MACF1: variants seen among roughly 807,000 people sequenced by gnomAD.
The protein encoded by MACF1 is microtubule-actin cross-linking factor 1.
A neutral mutation model predicts 854.8 loss-of-function variants in MACF1; 193 were observed. The ratio of observed to expected loss-of-function variants is 0.23; its 90% CI spans 0.20 to 0.25. The LOEUF (loss-of-function observed/expected upper bound fraction) is 0.25, where lower values mean the gene tolerates loss of function less well. MACF1 is among the 10% of genes least tolerant of loss of function. The probability of loss-of-function intolerance (pLI) is 1.00; values close to 1 mark genes in which losing one functional copy is unlikely to be tolerated. For synonymous variants in MACF1, 3,185 were observed against 3,226.7 expected, an observed-to-expected ratio of 0.99 and a Z score of 0.44; for missense variants, 7,722 against 8,929.1, an observed-to-expected ratio of 0.86 and a Z score of 5.45.
At position 39,138,978 on chromosome 1, in the gene MACF1, T is replaced by G. The variant is rs76071444; in HGVS notation, c.220+54540T>G. Among the ~76,000 whole-genome samples the G allele has an allele frequency of 4.6e-4, 70 of 152,288 alleles. 2 individuals are homozygous for G. In the East Asian group the frequency reaches 0.013, roughly 28 times the overall value. ...CCGCGCCTGGCCTAGGCCAAATAAT[T>G]TTTATGAACTGTCTGGAGAAGCTTT... On this transcript the variant is annotated intron_variant, in intron 2 of 93. Coordinates refer to the MACF1 transcript ENST00000361689.
At chr1:39,446,786 C>G (rs1389972824) in intron 80 of MACF1, among the ~76,000 whole-genome samples, 1 of 152,076 alleles carries the variant, frequency 6.6e-6, no homozygotes, top group Non-Finnish European at 1.5e-5. Context: ...GAGGAGTAGC[C>G]TTTTCCCTGA....
rs1350195718 is a variant in MACF1, at chr1:39,331,250, A to G, written c.4662A>G (p.Ile1554Met). 2 of 1,584,348 alleles carry G rather than the reference A, an allele frequency of 1.3e-6. No homozygotes were observed. The highest frequency in any genetic ancestry group is 3.6e-5 in the Admixed American group (2 of 55,944). The change falls in exon 37 of 101, where the codon ATA becomes ATG. Residue 1554 changes from isoleucine (I) to methionine (M), a missense_variant. By Grantham distance (10) the Ile-to-Met change is conservative (BLOSUM62 1). Around this residue, in one of 15 missense-constraint regions of MACF1, gnomAD observed 1,531 missense variants for 1,601.6 expected, o/e 0.96. Coordinates refer to ENST00000564288, the MANE Select transcript of MACF1 (RefSeq NM_001394062.1). ...TGATTGACCTAGGCACAGTGGAGAT[A>G]TTTCCCATCTTCAAAGCCATGCAAA... The part of the protein sequence containing the change: ...AGVIDLGTVE[I>M]FPIFKAMQKG...
chr1:39,223,297 TAAA>T (rs1026902632), intron 1 of MACF1, among the ~76,000 whole-genome samples: 1 of 152,202 alleles, frequency 6.6e-6, no homozygotes, highest in Non-Finnish European at 1.5e-5. Flanking sequence ...GCTCCCAAGC[TAAA>T]AAGTTTGACT....
chr1:39,240,129 A>C (rs756936966), intron 2 of MACF1, among the ~76,000 whole-genome samples: 3 of 152,186 alleles, frequency 2.0e-5, no homozygotes, highest in Non-Finnish European at 4.4e-5. Context: ...ATTCTGTCCT[A>C]TACAGCCTCT....
At chr1:39,329,859 C>T (rs967856220) in intron 36 of MACF1, among the ~76,000 whole-genome samples, 11 of 152,164 alleles carry the variant, frequency 7.2e-5, no homozygotes, top group Non-Finnish European at 1.3e-4. Flanking sequence ...CACTGACCTT[C>T]GGACCTAACT....
Position 39,332,304 on chromosome 1 carries a change from A to T in MACF1, c.5716A>T (p.Ser1906Cys), listed in dbSNP as rs769498366. 3.1e-6 allele frequency: 5 copies of T among 1,613,958 alleles called. No individual in the cohort carries two copies. The Admixed American group carries it at 8.3e-5, about 27-fold the overall frequency. ...TTTGTCCTGGAAGAAAGCAATAGAAAGTGGTATCCTGGATAGAGATCTTGC... is the reference window on the plus strand; with the variant it reads ...TTTGTCCTGGAAGAAAGCAATAGAATGTGGTATCCTGGATAGAGATCTTGC... ...EILSWKKAIE[S>C]GILDRDLANN... Residue 1906 changes from serine to cysteine, a missense_variant, in exon 37 of 101, where the codon AGT (serine) becomes TGT (cysteine). Transcript: ENST00000564288.
intron 2 of MACF1, among the ~76,000 whole-genome samples, chr1:39,085,733 G>GC (rs1461992409): frequency 6.6e-6 from 1 of 151,824 alleles, no homozygotes; most frequent in African/African-American, 2.4e-5. Flanking sequence ...ACCACCTTTG[G>GC]CCCCTCATTG....
At chr1:39,299,388 CT>C in intron 21 of MACF1, 1 of 397,178 alleles carries the variant, frequency 2.5e-6, no homozygotes, top group Non-Finnish European at 5.0e-6. Flanking sequence ...TCTGGGGAGA[CT>C]TTTATACCTC....
intron 2 of MACF1, among the ~76,000 whole-genome samples, chr1:39,243,589 G>A (rs1443966978): frequency 6.6e-6 from 1 of 152,152 alleles, no homozygotes; most frequent in East Asian, 1.9e-4. Context: ...TTTTTGTAGA[G>A]ATGGAGTCTC....
intron 89 of MACF1, among the ~76,000 whole-genome samples, chr1:39,456,370 T>C (rs1425168156): frequency 6.6e-6 from 1 of 152,170 alleles, no homozygotes; most frequent in Non-Finnish European, 1.5e-5. Context: ...CCAACCATTC[T>C]TTCACTTTGA....
chr1:39,352,908 G>A (rs775640358), intron 43 of MACF1, 99 bp from the exon 44 acceptor site: 7 of 695,968 alleles, frequency 1.0e-5, no homozygotes, highest in Admixed American at 2.5e-5. Flanking sequence ...CTTAGAATTA[G>A]CATAAAATTA....
At chr1:39,288,649 G>A (rs1255956887) in intron 15 of MACF1, among the ~76,000 whole-genome samples, 1 of 151,926 alleles carries the variant, frequency 6.6e-6, no homozygotes, top group African/African-American at 2.4e-5. Context: ...AAACTAACCG[G>A]GAATGATGGC....
At chr1:39,292,644 G>C in intron 16 of MACF1, 122 bp from the exon 17 acceptor site, 1 of 698,964 alleles carries the variant, frequency 1.4e-6, no homozygotes, top group Non-Finnish European at 2.3e-6. Flanking sequence ...CTAAGCTTCT[G>C]TTTTCTTAGA....
intron 2 of MACF1, among the ~76,000 whole-genome samples, chr1:39,110,828 A>G (rs1036459015): frequency 3.3e-5 from 5 of 152,196 alleles, no homozygotes; most frequent in African/African-American, 7.2e-5. Flanking sequence ...AGCCTATTAT[A>G]CTGGTATTTT....
chr1:39,293,394 AATGTGCT>A, intron 17 of MACF1, 57 bp from the exon 18 acceptor site: 1 of 1,349,522 alleles, frequency 7.4e-7, no homozygotes, highest in East Asian at 2.4e-5. Flanking sequence ...TTTGATGTCA[AATGTGCT>A]ATCTTCTACA....
chr1:39,261,234 CT>C, intron 6 of MACF1, among the ~76,000 whole-genome samples: 1 of 152,246 alleles, frequency 6.6e-6, no homozygotes, highest in Middle Eastern at 3.4e-3. Context: ...TCTTCCCATT[CT>C]CTGTAGTTAG....
At chr1:39,210,095 A>G (rs1644498271) in intron 1 of MACF1, among the ~76,000 whole-genome samples, 1 of 142,692 alleles carries the variant, frequency 7.0e-6, no homozygotes, top group African/African-American at 2.6e-5. Flanking sequence ...ATCTCAGGAG[A>G]AAAAAAAAAA....
Position 39,336,754 on chromosome 1 carries a change from C to T in MACF1, c.10065+101C>T, listed in dbSNP as rs2148476298. 2.8e-6 allele frequency: 3 copies of T among 1,071,892 alleles called. No homozygotes were observed. In the South Asian group the frequency reaches 5.5e-5, roughly 20 times the overall value. The allele number at this position is 1,071,892 out of a possible 1,614,324, so 66.4% of individuals were successfully genotyped here. A position where few individuals can be genotyped will look rare whatever the true frequency, so the allele number is the denominator to read the frequency against. On this transcript the variant is annotated intron_variant, in intron 37 of 100. Coordinates refer to ENST00000564288, the MANE Select transcript of MACF1 (RefSeq NM_001394062.1). ...AGTTTACATATGTGTAATTGTATGC[C>T]TCTATACATTTTAAGGCACTAGATG...
chr1:39,210,990 G>A (rs1161168087), intron 1 of MACF1, among the ~76,000 whole-genome samples: 1 of 124,418 alleles, frequency 8.0e-6, no homozygotes, highest in African/African-American at 3.1e-5. Context: ...CTTTTTTGAT[G>A]GAGTCTTGCT....
Sources: gnomAD v4.1 joint callset for allele counts (sites outside exome capture counted in the v4.1 genomes callset) on GRCh38, gnomAD v4.1.1 for gene constraint, gnomAD v4.1.1 regional missense constraint, MANE v1.5 for transcripts, NCBI Gene and HGNC (gene_info 2026-07-23, HGNC 2026-07-21) for gene names.